The following ROR2 variants were observed in gnomAD, a reference collection of about 807,000 sequenced individuals.
ROR2 encodes the protein ROR family WNT receptor 2.
ROR2 carries 33 observed loss-of-function variants against 74.9 expected under a neutral mutation model. That is an observed-to-expected ratio of 0.44 (90% CI 0.33 to 0.59). The LOEUF (loss-of-function observed/expected upper bound fraction) is 0.59, where lower values mean the gene tolerates loss of function less well. ROR2 is among the 20% of genes least tolerant of loss of function. The probability of loss-of-function intolerance (pLI) is 0.02; values close to 1 mark genes in which losing one functional copy is unlikely to be tolerated. For synonymous variants in ROR2, 586 were observed against 558.7 expected (o/e 1.05, Z -0.69); for missense variants, 1,216 against 1,313.8 (o/e 0.93, Z 1.15).
At chr9:91,730,484 A>G (rs1837200072) in intron 7 of ROR2, among the ~76,000 whole-genome samples, 1 of 152,170 alleles carries the variant, frequency 6.6e-6, no homozygotes, top group Non-Finnish European at 1.5e-5. Context: ...TTTTTGAGAC[A>G]GGGTCTCACT....
At chr9:91,869,187 A>G (rs1829723611) in intron 1 of ROR2, among the ~76,000 whole-genome samples, 1 of 152,132 alleles carries the variant, frequency 6.6e-6, no homozygotes, top group Non-Finnish European at 1.5e-5. Context: ...ACTCCTGAGC[A>G]CCTGGGACTG....
intron 4 of ROR2, among the ~76,000 whole-genome samples, chr9:91,746,156 A>G (rs1019821959): frequency 6.7e-6 from 1 of 150,320 alleles, no homozygotes; most frequent in Non-Finnish European, 1.5e-5. Context: ...GGCTCACTGC[A>G]ACCTCCACCT....
At chr9:91,939,024 G>C (rs144708169) in intron 1 of ROR2, among the ~76,000 whole-genome samples, 3,663 of 152,244 alleles carry the variant, frequency 0.024, 151 homozygotes, top group African/African-American at 0.084. Context: ...GCCAAGGCGG[G>C]TGGATCACAA....
At chr9:91,835,516 G>A (rs554750621) in intron 1 of ROR2, among the ~76,000 whole-genome samples, 37 of 152,220 alleles carry the variant, frequency 2.4e-4, no homozygotes, top group African/African-American at 8.7e-4. Context: ...AATGTAGATT[G>A]GAACTCTCTC....
chr9:91,949,369 G>A (rs539393454), intron 1 of ROR2, among the ~76,000 whole-genome samples: 91 of 151,664 alleles, frequency 6.0e-4, no homozygotes, highest in African/African-American at 2.2e-3. Flanking sequence ...CTTCTCCGGG[G>A]CCACGTCCAC....
intron 2 of ROR2, among the ~76,000 whole-genome samples, chr9:91,770,829 AC>A (rs1242398682): frequency 3.9e-5 from 6 of 152,176 alleles, no homozygotes; most frequent in African/African-American, 1.4e-4. Flanking sequence ...AACCTAACAA[AC>A]TATCATACGT....
chr9:91,727,756 C>T (rs983110933), intron 7 of ROR2, among the ~76,000 whole-genome samples: 5 of 152,176 alleles, frequency 3.3e-5, no homozygotes, highest in African/African-American at 4.8e-5. Context: ...GGGGGCAAAG[C>T]GCTTCTCATC....
At chr9:91,853,303 C>A (rs1297380742) in intron 1 of ROR2, among the ~76,000 whole-genome samples, 4 of 152,140 alleles carry the variant, frequency 2.6e-5, no homozygotes, top group South Asian at 2.1e-4. Context: ...GGAAAGGTGA[C>A]CGTGCTGTGA....
At chr9:91,793,025 T>C (rs776276807) in intron 1 of ROR2, among the ~76,000 whole-genome samples, 4 of 152,222 alleles carry the variant, frequency 2.6e-5, no homozygotes, top group African/African-American at 4.8e-5. Context: ...TCATAGTCTC[T>C]TCCTAGAAGA....
chr9:91,885,317 GC>G lies in ROR2; in HGVS notation c.97+64549del, dbSNP rs778517126. On this transcript the variant is annotated intron_variant, in intron 1 of 8. Transcript: ENST00000375708. ...TTGTTGAAGCTTTGGGGGTTGGGGG[GC>G]GGTAGGGCAGGGTGTGGAGGGAGAT... Among the ~76,000 whole-genome samples, 72 of 152,022 alleles carry G rather than the reference GC, an allele frequency of 4.7e-4. No homozygotes were observed. The East Asian group carries it at 5.4e-3, about 11-fold the overall frequency.
chr9:91,930,680 T>G (rs1831526806), intron 1 of ROR2, among the ~76,000 whole-genome samples: 1 of 152,184 alleles, frequency 6.6e-6, no homozygotes, highest in Non-Finnish European at 1.5e-5. Flanking sequence ...CAAATCACTG[T>G]GTCAGGGGAA....
intron 1 of ROR2, among the ~76,000 whole-genome samples, chr9:91,817,120 C>G (rs994333994): frequency 2.0e-5 from 3 of 152,174 alleles, no homozygotes; most frequent in African/African-American, 7.2e-5. Context: ...GAGGGCAGAG[C>G]TGACATCTGC....
intron 1 of ROR2, among the ~76,000 whole-genome samples, chr9:91,780,388 A>C (rs1462853347): frequency 1.6e-5 from 2 of 127,316 alleles, no homozygotes; most frequent in East Asian, 4.3e-4. Flanking sequence ...AAAAAAAATG[A>C]AAGAAAGAAA....
intron 1 of ROR2, among the ~76,000 whole-genome samples, chr9:91,836,539 C>CAAAAAAAAAAAAAAAAAAAA (rs753563302): frequency 2.9e-5 from 3 of 102,486 alleles, no homozygotes; most frequent in African/African-American, 9.9e-5. Context: ...GATTCCATCT[C>CAAAAAAAAAAAAAAAAAAAA]AAAAAAAAAA....
At chr9:91,945,129 T>C (rs1831981956) in intron 1 of ROR2, among the ~76,000 whole-genome samples, 1 of 151,684 alleles carries the variant, frequency 6.6e-6, no homozygotes, top group Admixed American at 6.6e-5. Context: ...ACCAATTCAA[T>C]GCAACCTCTA....
At chr9:91,922,544 C>T (rs1305673671) in intron 1 of ROR2, among the ~76,000 whole-genome samples, 1 of 152,158 alleles carries the variant, frequency 6.6e-6, no homozygotes, top group Non-Finnish European at 1.5e-5. Context: ...ACCTCTACCA[C>T]CCAGGTTCAA....
intron 4 of ROR2, among the ~76,000 whole-genome samples, chr9:91,745,082 T>C (rs1322020852): frequency 6.6e-6 from 1 of 152,086 alleles, no homozygotes. Flanking sequence ...AATGCAAATA[T>C]CCTGTGTCAC....
chr9:91,772,825 A>G lies in ROR2; in HGVS notation c.175+2916T>C, dbSNP rs189986957. ...GAGATTATCAAATCCCAACAAACAA[A>G]AAGCACGGTAGAAAGCATTCTATTC... On this transcript the variant is annotated intron_variant, in intron 2 of 8. Coordinates refer to ENST00000375708, the MANE Select transcript of ROR2 (RefSeq NM_004560.4). Among the ~76,000 whole-genome samples the G allele has an allele frequency of 2.9e-3, 435 of 152,298 alleles. 1 individual carries two copies. The highest frequency in any genetic ancestry group is 6.4e-3 in the Admixed American group (98 of 15,310).
intron 2 of ROR2, 110 bp downstream of exon 2, chr9:91,775,631 C>T (rs1826392245): frequency 3.0e-6 from 3 of 990,494 alleles, no homozygotes; most frequent in Non-Finnish European, 3.2e-6. Flanking sequence ...CAGGGGGCAC[C>T]AAGGGGCCAG....
Sources: gnomAD v4.1 joint callset for allele counts (sites outside exome capture counted in the v4.1 genomes callset) on GRCh38, gnomAD v4.1.1 for gene constraint, MANE v1.5 for transcripts, NCBI Gene and HGNC (gene_info 2026-07-23, HGNC 2026-07-21) for gene names.